Variants in BLTP1 observed in about 807,000 individuals in gnomAD.
BLTP1 encodes fragile site-associated protein.
At chr4:122,192,286 G>T in the BLTP1 span, 4 of 1,613,618 alleles carry the variant, frequency 2.5e-6, no homozygotes, top group South Asian at 1.1e-5. Flanking sequence ...AGTGAGGATT[G>T]CAAATTACAA....
At chr4:122,167,986 G>A in the BLTP1 span, 1 of 739,750 alleles carries the variant, frequency 1.4e-6, no homozygotes, top group African/African-American at 1.9e-5. Flanking sequence ...TCATGTGGCT[G>A]AGCATACAAC....
chr4:122,188,936 A>G, the BLTP1 span: 1 of 985,158 alleles, frequency 1.0e-6, no homozygotes, highest in Non-Finnish European at 1.2e-6. Flanking sequence ...AATGATAGAA[A>G]GAGGGTTTTT....
chr4:122,237,802 G>A, the BLTP1 span, among the ~76,000 whole-genome samples: 1 of 151,882 alleles, frequency 6.6e-6, no homozygotes, highest in Non-Finnish European at 1.5e-5. Flanking sequence ...GGCCAACATG[G>A]GGAAACCCTT....
At chr4:122,219,265 A>G in the BLTP1 span, 1 of 1,547,628 alleles carries the variant, frequency 6.5e-7, no homozygotes, top group Non-Finnish European at 8.7e-7. Context: ...CATAATTTAC[A>G]AATTTAGGCT....
the BLTP1 span, among the ~76,000 whole-genome samples, chr4:122,252,445 C>T: frequency 6.6e-6 from 1 of 152,134 alleles, no homozygotes; most frequent in African/African-American, 2.4e-5. Flanking sequence ...AGTTTCAGGC[C>T]TGGCAGCATT....
the BLTP1 span, chr4:122,299,811 T>C: frequency 2.0e-6 from 2 of 984,660 alleles, no homozygotes; most frequent in Non-Finnish European, 2.4e-6. Flanking sequence ...TAAGGGATGA[T>C]TGTAGATTTG....
chr4:122,238,192 A>G, the BLTP1 span: 1 of 1,614,092 alleles, frequency 6.2e-7, no homozygotes, highest in Non-Finnish European at 8.5e-7. Context: ...TACCATTACG[A>G]TCTCATAGTT....
the BLTP1 span, chr4:122,263,355 T>G: frequency 6.9e-7 from 1 of 1,444,026 alleles, no homozygotes; most frequent in Non-Finnish European, 9.1e-7. Flanking sequence ...CATTTTAACT[T>G]GATTCTTCAA....
At chr4:122,197,090 A>G in the BLTP1 span, 1 of 677,346 alleles carries the variant, frequency 1.5e-6, no homozygotes, top group Admixed American at 3.6e-5. Flanking sequence ...AACTTGTAAT[A>G]CTTACTTAAC....
the BLTP1 span, among the ~76,000 whole-genome samples, chr4:122,273,859 A>G: frequency 5.9e-5 from 9 of 152,068 alleles, no homozygotes; most frequent in South Asian, 4.1e-4. Context: ...AATATGAACA[A>G]TAATGCTAAA....
At chr4:122,252,606 TGTG>T in the BLTP1 span, among the ~76,000 whole-genome samples, 49 of 152,184 alleles carry the variant, frequency 3.2e-4, no homozygotes, top group African/African-American at 1.2e-3. Context: ...GTCTGTGTCT[TGTG>T]ATATGAGTGC....
the BLTP1 span, among the ~76,000 whole-genome samples, chr4:122,179,380 T>C: frequency 3.3e-5 from 5 of 152,232 alleles, no homozygotes; most frequent in Non-Finnish European, 7.3e-5. Context: ...CTCTTGTTTC[T>C]ATTTAGTTCA....
At chr4:122,307,792 A>G in the BLTP1 span, 4 of 985,076 alleles carry the variant, frequency 4.1e-6, no homozygotes, top group Non-Finnish European at 4.8e-6. Flanking sequence ...AATGGTGACT[A>G]TATGTCCTCT....
chr4:122,230,255 G>T, the BLTP1 span: 1 of 1,510,708 alleles, frequency 6.6e-7, no homozygotes, highest in East Asian at 2.3e-5. Flanking sequence ...CTGTTCAGAT[G>T]AAAAAAACTA....
At chr4:122,197,545 A>G in the BLTP1 span, 7 of 621,236 alleles carry the variant, frequency 1.1e-5, no homozygotes, top group Non-Finnish European at 1.2e-5. Flanking sequence ...TACTTAATGC[A>G]TGGTTTTCCA....
At chr4:122,257,049 G>C in the BLTP1 span, among the ~76,000 whole-genome samples, 2 of 152,026 alleles carry the variant, frequency 1.3e-5, no homozygotes, top group Non-Finnish European at 2.9e-5. Flanking sequence ...GAAACGTTGT[G>C]CCTAGAGATT....
chr4:122,219,290 T>C, the BLTP1 span: 3 of 1,586,248 alleles, frequency 1.9e-6, no homozygotes, highest in South Asian at 1.2e-5. Context: ...GGTGAAAATA[T>C]ATTTACATAC....
At chr4:122,362,285 C>CT in the BLTP1 span, 1 of 1,519,330 alleles carries the variant, frequency 6.6e-7, no homozygotes, top group Non-Finnish European at 9.1e-7. Context: ...ATGATTGTGT[C>CT]TGTTTTATTA....
the BLTP1 span, chr4:122,152,469 G>A: frequency 2.0e-6 from 2 of 985,610 alleles, no homozygotes; most frequent in Non-Finnish European, 2.4e-6. Flanking sequence ...GCAGAGCTTC[G>A]CAGGCTGCAT....
Sources: gnomAD v4.1 joint callset for allele counts (sites outside exome capture counted in the v4.1 genomes callset) on GRCh38, gnomAD v4.1.1 for gene constraint, MANE v1.5 for transcripts, NCBI Gene and HGNC (gene_info 2026-07-23, HGNC 2026-07-21) for gene names.